The following PPIL4 variants were observed in gnomAD, a reference collection of about 807,000 sequenced individuals.
PPIL4 encodes the protein peptidyl-prolyl cis-trans isomerase-like 4.
PPIL4 carries 50 observed loss-of-function variants against 69.1 expected under a neutral mutation model. The observed-to-expected ratio is 0.72, with a 90% CI of 0.58 to 0.92. PPIL4 has a LOEUF of 0.92. PPIL4 is among the 40% of genes least tolerant of loss of function. The pLI is 0.00. For synonymous variants in PPIL4, 193 were observed against 191.6 expected (o/e 1.01, Z -0.06); for missense variants, 480 against 587.9 (o/e 0.82, Z 1.90).
At chr6:149,527,092 C>T (rs1777119236) in intron 7 of PPIL4, among the ~76,000 whole-genome samples, 1 of 152,238 alleles carries the variant, frequency 6.6e-6, no homozygotes, top group Non-Finnish European at 1.5e-5. Context: ...AGCATGGTAG[C>T]TCATGCCTGT....
chr6:149,506,157 G>A (rs1170256749), intron 12 of PPIL4, among the ~76,000 whole-genome samples: 1 of 152,166 alleles, frequency 6.6e-6, no homozygotes, highest in East Asian at 1.9e-4. Context: ...AGCAGGAAGA[G>A]ATCTTAGACA....
intron 11 of PPIL4, among the ~76,000 whole-genome samples, chr6:149,513,500 C>A (rs1776893890): frequency 1.5e-5 from 2 of 131,584 alleles, no homozygotes; most frequent in South Asian, 2.5e-4. Context: ...AACAAAATAT[C>A]TAGTAATAAA....
In PPIL4 at chr6:149,546,010, C is replaced by T. The variant is rs1229831359; in HGVS notation, c.-5G>A. ...GGTCTCCAGTAGAACCGCCATGGCG[C>T]CCGCTCCTCCTCCGCTACAAACCCC... On this transcript the variant is annotated 5_prime_UTR_variant, in exon 1 of 13. Transcript: ENST00000253329. 1.3e-6 allele frequency: 2 copies of T among 1,572,666 alleles called. No homozygotes were observed. The highest frequency in any genetic ancestry group is 1.8e-5 in the Admixed American group (1 of 55,648).
intron 9 of PPIL4, among the ~76,000 whole-genome samples, chr6:149,522,624 A>AT (rs1273825796): frequency 1.3e-5 from 2 of 151,890 alleles, no homozygotes; most frequent in East Asian, 3.8e-4. Context: ...TTTATGTATT[A>AT]TTTTTTTGAG....
intron 9 of PPIL4, among the ~76,000 whole-genome samples, chr6:149,524,710 G>A (rs1442736604): frequency 1.3e-5 from 2 of 152,086 alleles, no homozygotes; most frequent in Non-Finnish European, 2.9e-5. Context: ...GACCAGCCTG[G>A]CCAATATGGT....
intron 12 of PPIL4, among the ~76,000 whole-genome samples, chr6:149,508,413 T>G (rs1277225904): frequency 1.3e-5 from 2 of 152,076 alleles, no homozygotes; most frequent in Non-Finnish European, 2.9e-5. Context: ...ATGATTAAAC[T>G]ACCATGTGGC....
At chr6:149,545,140 C>T (rs1276426958) in intron 1 of PPIL4, among the ~76,000 whole-genome samples, 1 of 152,196 alleles carries the variant, frequency 6.6e-6, no homozygotes, top group Non-Finnish European at 1.5e-5. Flanking sequence ...ACCAGTCCTT[C>T]CAGCCACACC....
At chr6:149,506,181 T>TA (rs1776767507) in intron 12 of PPIL4, among the ~76,000 whole-genome samples, 1 of 152,066 alleles carries the variant, frequency 6.6e-6, no homozygotes, top group Non-Finnish European at 1.5e-5. Context: ...CAGTAAGTCT[T>TA]AAATAAGAAA....
At chr6:149,507,091 C>T (rs61666489) in intron 12 of PPIL4, among the ~76,000 whole-genome samples, 4,106 of 152,266 alleles carry the variant, frequency 0.027, 163 homozygotes, top group African/African-American at 0.093. Flanking sequence ...ATTCTAAGGA[C>T]TAAACTCCCA....
chr6:149,516,075 T>A (rs1011632754), intron 11 of PPIL4, among the ~76,000 whole-genome samples: 2 of 152,216 alleles, frequency 1.3e-5, no homozygotes. Flanking sequence ...TATAAGTATA[T>A]GTGTGGTTGT....
intron 12 of PPIL4, among the ~76,000 whole-genome samples, chr6:149,508,147 C>A (rs1308923504): frequency 6.6e-6 from 1 of 152,124 alleles, no homozygotes; most frequent in African/African-American, 2.4e-5. Flanking sequence ...GAGATCTGCA[C>A]AGGTTGGAGA....
In PPIL4 at chr6:149,535,454, A is replaced by C. The variant is rs1583211519; in HGVS notation, c.464+142T>G. 6.8e-6 allele frequency: 3 copies of C among 443,764 alleles called. No homozygotes were observed. In the East Asian group the frequency reaches 1.0e-4, roughly 15 times the overall value. 27.5% of individuals were successfully genotyped at this position (443,764 alleles called of 1,614,324 possible). A position where few individuals can be genotyped will look rare whatever the true frequency, so the allele number is the denominator to read the frequency against. On this transcript the variant is annotated intron_variant, in intron 5 of 12. Transcript: ENST00000253329. ...TCCTTTTTATTATAAAGATTCTTAC[A>C]GTCTTATATTAATTCACCTTTTGGG...
chr6:149,515,606 A>G (rs1776932585), intron 11 of PPIL4, among the ~76,000 whole-genome samples: 1 of 152,214 alleles, frequency 6.6e-6, no homozygotes, highest in Non-Finnish European at 1.5e-5. Flanking sequence ...CTATGTGGGC[A>G]GGAACTGAAT....
At chr6:149,513,203 TG>T (rs1435180625) in intron 11 of PPIL4, among the ~76,000 whole-genome samples, 1 of 147,154 alleles carries the variant, frequency 6.8e-6, no homozygotes, top group Admixed American at 6.7e-5. Context: ...CTGGCCAATA[TG>T]GTGAAACCCC....
At chr6:149,515,129 C>T (rs1050958683) in intron 11 of PPIL4, among the ~76,000 whole-genome samples, 1 of 151,666 alleles carries the variant, frequency 6.6e-6, no homozygotes, top group African/African-American at 2.4e-5. Context: ...TGAGCCACTG[C>T]ACCCAGCCAA....
chr6:149,544,534 C>T (rs1777410687), intron 1 of PPIL4, among the ~76,000 whole-genome samples: 1 of 152,196 alleles, frequency 6.6e-6, no homozygotes, highest in Non-Finnish European at 1.5e-5. Context: ...TTGTAAACAA[C>T]ACCAGGATAA....
chr6:149,506,965 G>A (rs970336392), intron 12 of PPIL4, among the ~76,000 whole-genome samples: 4 of 152,052 alleles, frequency 2.6e-5, no homozygotes, highest in Admixed American at 6.6e-5. Flanking sequence ...AGAATCCTTT[G>A]CCCCAAAGAT....
chr6:149,511,806 T>C (rs1053189709), intron 12 of PPIL4, among the ~76,000 whole-genome samples: 1 of 152,196 alleles, frequency 6.6e-6, no homozygotes, highest in Non-Finnish European at 1.5e-5. Flanking sequence ...GTGCTATACA[T>C]AACACTTGGT....
chr6:149,535,071 C>T (rs1777254291), intron 5 of PPIL4, among the ~76,000 whole-genome samples: 1 of 152,174 alleles, frequency 6.6e-6, no homozygotes. Flanking sequence ...TTAACAATTC[C>T]TCCAGCTGGG....
Sources: gnomAD v4.1 joint callset for allele counts (sites outside exome capture counted in the v4.1 genomes callset) on GRCh38, gnomAD v4.1.1 for gene constraint, MANE v1.5 for transcripts, NCBI Gene and HGNC (gene_info 2026-07-23, HGNC 2026-07-21) for gene names.